The following ATP2C1 variants were observed in gnomAD, a reference collection of about 807,000 sequenced individuals.
The protein encoded by ATP2C1 is ATPase secretory pathway Ca2+ transporting 1.
Under a neutral mutation model 120.5 loss-of-function variants are expected in ATP2C1, and 31 were observed. That is an observed-to-expected ratio of 0.26 (90% confidence interval 0.19 to 0.35). The LOEUF is 0.35. ATP2C1 is among the 10% of genes least tolerant of loss of function. ATP2C1 has a pLI of 1.00. For synonymous variants in ATP2C1, 351 were observed against 358.7 expected (o/e 0.98, Z 0.24); for missense variants, 731 against 1,107.5 (o/e 0.66, Z 4.83).
chr3:130,995,162 C>A (rs1028586241), intron 22 of ATP2C1, among the ~76,000 whole-genome samples: 2 of 152,014 alleles, frequency 1.3e-5, no homozygotes, highest in African/African-American at 4.8e-5. Flanking sequence ...GCCTGTAATG[C>A]CAGCACTTTG....
At chr3:130,989,247 CAAAAAAAA>C (rs71133625) in intron 20 of ATP2C1, among the ~76,000 whole-genome samples, 1 of 121,968 alleles carries the variant, frequency 8.2e-6, no homozygotes, top group African/African-American at 3.1e-5. Context: ...AAATCCATCT[CAAAAAAAA>C]AAAAAACAAA....
chr3:130,935,611 C>T (rs1223001844), intron 5 of ATP2C1, among the ~76,000 whole-genome samples: 1 of 152,162 alleles, frequency 6.6e-6, no homozygotes, highest in Admixed American at 6.5e-5. Flanking sequence ...AGGTCACAAC[C>T]ATTTTAATAA....
At chr3:130,995,880 G>GGT (rs2108912792) in intron 22 of ATP2C1, among the ~76,000 whole-genome samples, 163 bp from the exon 23 acceptor site, 1 of 152,252 alleles carries the variant, frequency 6.6e-6, no homozygotes, top group African/African-American at 2.4e-5. Context: ...CGTGACCCCA[G>GGT]GTGATCTGCC....
At chr3:130,934,968 G>T (rs1199994698) in intron 5 of ATP2C1, among the ~76,000 whole-genome samples, 2 of 152,052 alleles carry the variant, frequency 1.3e-5, no homozygotes, top group Non-Finnish European at 2.9e-5. Context: ...GAGTAGTTGG[G>T]ACTACAGGTG....
chr3:130,885,736 T>C (rs2068953225), intron 1 of ATP2C1, among the ~76,000 whole-genome samples: 1 of 152,228 alleles, frequency 6.6e-6, no homozygotes, highest in Admixed American at 6.5e-5. Flanking sequence ...GTTCACCATT[T>C]AGACTTTCTA....
At chr3:130,859,699 C>G (rs1270503217) in intron 1 of ATP2C1, among the ~76,000 whole-genome samples, 2 of 152,104 alleles carry the variant, frequency 1.3e-5, no homozygotes, top group Non-Finnish European at 1.5e-5. Flanking sequence ...CTAAGAGACA[C>G]CTGGACCCTG....
chr3:130,993,557 T>G (rs2062453734), intron 21 of ATP2C1, among the ~76,000 whole-genome samples: 1 of 152,210 alleles, frequency 6.6e-6, no homozygotes, highest in Non-Finnish European at 1.5e-5. Context: ...TATTGAATGT[T>G]TAGCAGCATT....
chr3:130,853,719 C>T (rs2067749400), intron 1 of ATP2C1, among the ~76,000 whole-genome samples: 1 of 152,164 alleles, frequency 6.6e-6, no homozygotes, highest in Non-Finnish European at 1.5e-5. Context: ...GCCCTTACTA[C>T]ATTCTATGTA....
intron 1 of ATP2C1, among the ~76,000 whole-genome samples, chr3:130,864,096 A>G (rs1219843187): frequency 1.3e-5 from 2 of 152,214 alleles, no homozygotes; most frequent in African/African-American, 4.8e-5. Context: ...CTTCCTAAAG[A>G]CTTGTTGAAT....
intron 11 of ATP2C1, among the ~76,000 whole-genome samples, chr3:130,957,239 C>T (rs950535984): frequency 2.6e-5 from 4 of 152,132 alleles, no homozygotes; most frequent in African/African-American, 9.7e-5. Context: ...TGGTTTTGTT[C>T]TGTTCCTAAA....
intron 18 of ATP2C1, 30 bp from the exon 19 acceptor site, chr3:130,979,218 TG>T: frequency 6.2e-7 from 1 of 1,611,174 alleles, no homozygotes; most frequent in Non-Finnish European, 8.5e-7. Flanking sequence ...CACTTTTTTT[TG>T]TTGTTGTTTG....
intron 20 of ATP2C1, among the ~76,000 whole-genome samples, chr3:130,990,272 A>AACCCCCC (rs1553779030): frequency 9.8e-6 from 1 of 102,070 alleles, no homozygotes; most frequent in Non-Finnish European, 2.0e-5. Flanking sequence ...CTTAAGAGCA[A>AACCCCCC]CCCCCCCCCC....
chr3:130,997,418 A>T (rs2062676467), intron 24 of ATP2C1, among the ~76,000 whole-genome samples, 188 bp from the exon 25 acceptor site: 1 of 152,158 alleles, frequency 6.6e-6, no homozygotes, highest in Admixed American at 6.6e-5. Context: ...CAAACAAATA[A>T]AGAGGAGAGA....
intron 1 of ATP2C1, among the ~76,000 whole-genome samples, chr3:130,858,792 T>C (rs753381219): frequency 1.3e-5 from 2 of 152,210 alleles, no homozygotes; most frequent in Non-Finnish European, 2.9e-5. Context: ...GTAAGAATCT[T>C]AGGGCTGTAG....
intron 1 of ATP2C1, among the ~76,000 whole-genome samples, chr3:130,861,692 C>A (rs1559866668): frequency 6.6e-6 from 1 of 151,908 alleles, no homozygotes; most frequent in Non-Finnish European, 1.5e-5. Context: ...TCTGACCATC[C>A]CTTAGCCCAG....
chr3:130,883,562 C>A (rs2068856643), intron 1 of ATP2C1, among the ~76,000 whole-genome samples: 1 of 151,778 alleles, frequency 6.6e-6, no homozygotes, highest in South Asian at 2.1e-4. Context: ...TGCAATTCTT[C>A]TGCCTCAGCC....
At chr3:130,861,373 T>C (rs952402410) in intron 1 of ATP2C1, among the ~76,000 whole-genome samples, 2 of 152,192 alleles carry the variant, frequency 1.3e-5, no homozygotes, top group Non-Finnish European at 2.9e-5. Context: ...TCTATAAGCT[T>C]GAGAACCCAG....
intron 2 of ATP2C1, among the ~76,000 whole-genome samples, chr3:130,901,495 A>C (rs2057820069): frequency 6.6e-6 from 1 of 152,072 alleles, no homozygotes. Flanking sequence ...TTTTACTCCT[A>C]GGAAAAATCA....
At chr3:130,893,303 G>C (rs1241283256), upstream of ATP2C1, among the ~76,000 whole-genome samples, 1 of 152,144 alleles carries the variant, frequency 6.6e-6, no homozygotes, top group Non-Finnish European at 1.5e-5. Flanking sequence ...GTTTCTAATT[G>C]CTGTTCCAGC....
Sources: allele counts gnomAD v4.1 joint callset (sites outside exome capture counted in the v4.1 genomes callset), GRCh38; gene constraint gnomAD v4.1.1; transcripts MANE v1.5; gene names NCBI Gene and HGNC (gene_info 2026-07-23, HGNC 2026-07-21).